The following FAM168A variants were observed in gnomAD, a reference collection of about 807,000 sequenced individuals.
FAM168A encodes protein FAM168A.
FAM168A carries 3 observed loss-of-function variants against 28.5 expected under a neutral mutation model. That is an observed-to-expected ratio of 0.11 (90% CI 0.05 to 0.27). The LOEUF is 0.27. Ranked by LOEUF, FAM168A falls within the 10% of genes least tolerant of loss-of-function variation. The pLI is 1.00. For synonymous variants in FAM168A, 122 were observed against 124.2 expected (o/e 0.98, Z 0.12); for missense variants, 222 against 311.5 (o/e 0.71, Z 2.16).
At chr11:73,572,816 A>G (rs1944120490) in intron 1 of FAM168A, among the ~76,000 whole-genome samples, 1 of 152,006 alleles carries the variant, frequency 6.6e-6, no homozygotes, top group South Asian at 2.1e-4. Flanking sequence ...TCCTTCCACT[A>G]TTGTCCTATG....
At chr11:73,439,298 G>C (rs942321002) in intron 2 of FAM168A, among the ~76,000 whole-genome samples, 7 of 152,170 alleles carry the variant, frequency 4.6e-5, no homozygotes, top group Non-Finnish European at 1.0e-4. Context: ...TCCTCCTGAG[G>C]TAACAAGACA....
intron 2 of FAM168A, among the ~76,000 whole-genome samples, chr11:73,452,823 T>A (rs1938778): frequency 0.075 from 10,870 of 144,612 alleles, 543 homozygotes; most frequent in Non-Finnish European, 0.1. Context: ...ATAATAATAA[T>A]AAGTAAAATA....
At position 73,436,015 on chromosome 11, in the gene FAM168A, T is replaced by C. The variant is rs149376486; in HGVS notation, c.71-5245A>G. ...CTTTTCCACACCTACCAAATAATTATCACTTTGTCCTTAGAAACAAGCCTG... is the reference window on the plus strand; with the variant it reads ...CTTTTCCACACCTACCAAATAATTACCACTTTGTCCTTAGAAACAAGCCTG... On this transcript the variant is annotated intron_variant, in intron 2 of 7. Transcript: ENST00000356467. Among the ~76,000 whole-genome samples, 894 of 152,338 alleles carry C rather than the reference T, an allele frequency of 5.9e-3. 8 individuals carry two copies. The highest frequency in any genetic ancestry group is 0.027 in the Middle Eastern group (8 of 294).
chr11:73,404,506 A>C lies in FAM168A; in HGVS notation c.*2257T>G, dbSNP rs1240854238. ...TATGACATAATCTAGAACAACCTTC[A>C]CCCACCTTTACAAAACCAAAGAGGG... On this transcript the variant is annotated 3_prime_UTR_variant, in exon 8 of 8. Transcript: ENST00000356467. 1 of 152,208 alleles carries C rather than the reference A, an allele frequency of 6.6e-6. No homozygotes were observed. Among genetic ancestry groups the C allele is most frequent in the Non-Finnish European group, 1.5e-5 (1 of 68,040 alleles). The allele number at this position is 152,208 out of a possible 1,614,324, so 9.4% of individuals were successfully genotyped here.
intron 2 of FAM168A, among the ~76,000 whole-genome samples, chr11:73,436,829 C>A (rs1867095081): frequency 6.6e-6 from 1 of 152,172 alleles, no homozygotes; most frequent in South Asian, 2.1e-4. Flanking sequence ...TGCCAAAATT[C>A]TTTTACTTTA....
rs1867717048 is a variant in FAM168A, at chr11:73,465,268, G to GCTT, written c.70+3134_70+3136dup. Among the ~76,000 whole-genome samples the GCTT allele has an allele frequency of 1.3e-5, 2 of 149,238 alleles. 1 individual carries two copies. Among genetic ancestry groups the GCTT allele is most frequent in the Non-Finnish European group, 3.0e-5 (2 of 67,596 alleles). On this transcript the variant is annotated intron_variant, in intron 2 of 7. Coordinates refer to ENST00000356467, the MANE Select transcript of FAM168A (RefSeq NM_015159.3). ...CATACTAGATAGACCCCTGGGTGAT[G>GCTT]CTTGGACACTGACACAATCAGAACA...
At chr11:73,479,111 T>G (rs956407697) in intron 1 of FAM168A, among the ~76,000 whole-genome samples, 2 of 152,204 alleles carry the variant, frequency 1.3e-5, no homozygotes, top group African/African-American at 2.4e-5. Context: ...CTCCCCTTAC[T>G]GATTCCTGCT....
rs145674706 is a variant in FAM168A, at chr11:73,585,511, C to T, written c.-19+12412G>A. Among the ~76,000 whole-genome samples the T allele has an allele frequency of 6.0e-3, 912 of 152,256 alleles. 6 individuals are homozygous for T. Among genetic ancestry groups the T allele is most frequent in the Non-Finnish European group, 9.2e-3 (628 of 68,024 alleles). Reference sequence around the variant, plus strand: ...TTAACAATCTAGGGAAAATTCATCCCATTAAATTTCTTAGACTACTAAATA... The same window carrying T: ...TTAACAATCTAGGGAAAATTCATCCTATTAAATTTCTTAGACTACTAAATA... On this transcript the variant is annotated intron_variant, in intron 1 of 7. Transcript: ENST00000356467.
intron 1 of FAM168A, among the ~76,000 whole-genome samples, chr11:73,572,606 T>C (rs1944116298): frequency 6.7e-6 from 1 of 150,162 alleles, no homozygotes; most frequent in South Asian, 2.1e-4. Flanking sequence ...AAACATGTGC[T>C]GTGTCCACTC....
At chr11:73,519,546 G>A (rs1424027452) in intron 1 of FAM168A, among the ~76,000 whole-genome samples, 1 of 152,124 alleles carries the variant, frequency 6.6e-6, no homozygotes, top group Non-Finnish European at 1.5e-5. Context: ...GCTTGAGGAT[G>A]GCAAGTCAAG....
At chr11:73,426,725 G>GTGTGTGTGTGTGTGTA (rs1198126840) in intron 3 of FAM168A, among the ~76,000 whole-genome samples, 4 of 151,866 alleles carry the variant, frequency 2.6e-5, no homozygotes, top group African/African-American at 4.8e-5. Context: ...GTGTGTGTGT[G>GTGTGTGTGTGTGTGTA]TGTGTGTGTA....
chr11:73,548,990 G>A (rs1417682562), intron 1 of FAM168A, among the ~76,000 whole-genome samples: 1 of 151,892 alleles, frequency 6.6e-6, no homozygotes, highest in African/African-American at 2.4e-5. Context: ...CGCCCAGGCT[G>A]GAGTGCAGTG....
intron 1 of FAM168A, among the ~76,000 whole-genome samples, chr11:73,496,990 C>T (rs1176588498): frequency 1.3e-5 from 2 of 152,132 alleles, no homozygotes; most frequent in African/African-American, 4.8e-5. Context: ...GAATTTTACA[C>T]AAATTCCCCA....
chr11:73,422,500 T>C (rs1866810962), intron 3 of FAM168A, among the ~76,000 whole-genome samples: 1 of 152,158 alleles, frequency 6.6e-6, no homozygotes, highest in Admixed American at 6.5e-5. Flanking sequence ...CTCCTCCATA[T>C]AACGATTCTA....
intron 1 of FAM168A, among the ~76,000 whole-genome samples, chr11:73,571,129 T>C (rs569314858): frequency 1.3e-5 from 2 of 152,066 alleles, no homozygotes; most frequent in East Asian, 3.9e-4. Flanking sequence ...ATTAGTGTAG[T>C]ACCAAAACTC....
At chr11:73,494,598 T>G in intron 1 of FAM168A, among the ~76,000 whole-genome samples, 1 of 151,544 alleles carries the variant, frequency 6.6e-6, no homozygotes. Context: ...CCAGGAAGAG[T>G]TTTATTGTGA....
chr11:73,593,836 A>G (rs1209583687), intron 1 of FAM168A, among the ~76,000 whole-genome samples: 1 of 152,224 alleles, frequency 6.6e-6, no homozygotes, highest in Non-Finnish European at 1.5e-5. Context: ...ATTGTGCCCA[A>G]CGTCACACAG....
intron 1 of FAM168A, among the ~76,000 whole-genome samples, chr11:73,568,218 T>C (rs1352195930): frequency 6.6e-6 from 1 of 152,214 alleles, no homozygotes; most frequent in East Asian, 1.9e-4. Flanking sequence ...CCCAGGACTG[T>C]AGCCAACTAA....
chr11:73,443,316 G>A (rs986218016), intron 2 of FAM168A, among the ~76,000 whole-genome samples: 1 of 152,080 alleles, frequency 6.6e-6, no homozygotes, highest in African/African-American at 2.4e-5. Flanking sequence ...CACTTAATGT[G>A]TGCTAAGTGC....
Sources: gnomAD v4.1 joint callset for allele counts (sites outside exome capture counted in the v4.1 genomes callset) on GRCh38, gnomAD v4.1.1 for gene constraint, MANE v1.5 for transcripts, NCBI Gene and HGNC (gene_info 2026-07-23, HGNC 2026-07-21) for gene names.